Variants in ABL1 observed in about 807,000 individuals in gnomAD.
The protein encoded by ABL1 is ABL proto-oncogene 1, non-receptor tyrosine kinase.
A neutral mutation model predicts 94.7 loss-of-function variants in ABL1; 11 were observed. The ratio of observed to expected loss-of-function variants is 0.12; its 90% CI spans 0.07 to 0.19. The LOEUF (loss-of-function observed/expected upper bound fraction) is 0.19, where lower values mean the gene tolerates loss of function less well. Ranked by LOEUF, ABL1 falls within the 10% of genes least tolerant of loss-of-function variation. The pLI is 1.00. For missense variants in ABL1, 1,082 were observed against 1,489.4 expected (o/e 0.73, Z 4.50); for synonymous variants, 656 against 622.4 (o/e 1.05, Z -0.80).
At chr9:130,769,634 C>T (rs563880598) in intron 1 of ABL1, among the ~76,000 whole-genome samples, 67 of 152,128 alleles carry the variant, frequency 4.4e-4, no homozygotes, top group Non-Finnish European at 8.2e-4. Flanking sequence ...CCACCGTCCC[C>T]GGCCCCTAGT....
intron 1 of ABL1, among the ~76,000 whole-genome samples, chr9:130,749,796 A>G (rs920754417): frequency 3.9e-5 from 6 of 152,138 alleles, no homozygotes; most frequent in Non-Finnish European, 7.3e-5. Flanking sequence ...ATTTTATGAA[A>G]TTGTTGATTC....
rs1363488757 is a variant in ABL1 at position 130,716,023 on chromosome 9, T to TACAC, written c.136+1569_136+1570insCACA. Among the ~76,000 whole-genome samples the TACAC allele has an allele frequency of 7.0e-3, 985 of 140,872 alleles. 18 individuals are homozygous for TACAC. Among genetic ancestry groups the TACAC allele is most frequent in the African/African-American group, 0.024 (960 of 40,000 alleles). The allele number at this position is 140,872 out of a possible 152,430, so 92.4% of individuals were successfully genotyped here. ...CACAGTTAAACAAACTAAATATATATATACACACACACACACACATATATA... is the reference window on the plus strand; with the variant it reads ...CACAGTTAAACAAACTAAATATATATACACATACACACACACACACACATATATA... On this transcript the variant is annotated intron_variant, in intron 1 of 10. Transcript: ENST00000372348.
intron 1 of ABL1, among the ~76,000 whole-genome samples, chr9:130,722,000 T>C (rs997495424): frequency 6.6e-6 from 1 of 151,724 alleles, no homozygotes; most frequent in Non-Finnish European, 1.5e-5. Context: ...GCCAGGATGG[T>C]TTTGATCTCG....
chr9:130,868,645 T>C (rs11244166), intron 4 of ABL1, among the ~76,000 whole-genome samples: 47,347 of 149,640 alleles, frequency 0.32, 12,068 homozygotes, highest in African/African-American at 0.71. Context: ...CTCAGCCTCC[T>C]GAGTAGCTGG....
intron 1 of ABL1, among the ~76,000 whole-genome samples, chr9:130,816,932 G>C (rs970782903): frequency 6.6e-6 from 1 of 152,048 alleles, no homozygotes; most frequent in Admixed American, 6.5e-5. Flanking sequence ...TCAAACTCCT[G>C]AACCTCAGGT....
At chr9:130,800,462 A>G (rs1317007175) in intron 1 of ABL1, among the ~76,000 whole-genome samples, 4 of 119,814 alleles carry the variant, frequency 3.3e-5, no homozygotes, top group Admixed American at 2.4e-4. Context: ...AAACCTATTG[A>G]AAAAAAAAAA....
intron 3 of ABL1, among the ~76,000 whole-genome samples, chr9:130,856,303 G>C (rs898486086): frequency 1.3e-5 from 2 of 152,120 alleles, no homozygotes; most frequent in African/African-American, 4.8e-5. Flanking sequence ...GGTCAGGCTG[G>C]TCTCAAACTC....
chr9:130,768,503 G>C (rs1832211465), intron 1 of ABL1, among the ~76,000 whole-genome samples: 1 of 152,198 alleles, frequency 6.6e-6, no homozygotes, highest in Non-Finnish European at 1.5e-5. Flanking sequence ...CCTGCCCCCA[G>C]CTAGGCTGAA....
chr9:130,804,965 A>G (rs536504963), intron 1 of ABL1, among the ~76,000 whole-genome samples: 3 of 152,252 alleles, frequency 2.0e-5, no homozygotes, highest in Non-Finnish European at 4.4e-5. Flanking sequence ...TTGTCTTTAG[A>G]CAGGCAAGAC....
chr9:130,877,984 T>G (rs1189871104), intron 7 of ABL1, among the ~76,000 whole-genome samples: 1 of 151,990 alleles, frequency 6.6e-6, no homozygotes, highest in African/African-American at 2.4e-5. Flanking sequence ...GGCTAATTTT[T>G]TTGTATTTTT....
At chr9:130,837,414 T>G (rs3808821) in intron 1 of ABL1, among the ~76,000 whole-genome samples, 33,346 of 152,062 alleles carry the variant, frequency 0.22, 4,542 homozygotes, top group African/African-American at 0.38. Flanking sequence ...CTTTGCCAAG[T>G]CATTGTTTTG....
At chr9:130,859,466 T>G (rs900946614) in intron 3 of ABL1, among the ~76,000 whole-genome samples, 2 of 151,720 alleles carry the variant, frequency 1.3e-5, no homozygotes, top group African/African-American at 4.8e-5. Flanking sequence ...GTGGAGGGGC[T>G]TTGGACCGTT....
At position 130,859,677 on chromosome 9, in the gene ABL1, C is replaced by CTTTTT. The variant is rs869234280; in HGVS notation, c.550-3061_550-3057dup. Among the ~76,000 whole-genome samples, 558 of 78,436 alleles carry CTTTTT rather than the reference C, an allele frequency of 7.1e-3. 104 individuals are homozygous for CTTTTT. Among genetic ancestry groups the CTTTTT allele is most frequent in the African/African-American group, 0.027 (406 of 14,862 alleles). 51.5% of individuals were successfully genotyped at this position (78,436 alleles called of 152,430 possible). A position where few individuals can be genotyped will look rare whatever the true frequency, so the allele number is the denominator to read the frequency against. ...AAACGCTGTTTCTTTTCTTTCTTTC[C>CTTTTT]TTTTTTTTTTTTTTTTTTTTTTTTT... On this transcript the variant is annotated intron_variant, in intron 3 of 10. Transcript: ENST00000318560.
intron 1 of ABL1, among the ~76,000 whole-genome samples, chr9:130,808,696 A>G (rs1830164216): frequency 6.6e-6 from 1 of 152,194 alleles, no homozygotes; most frequent in African/African-American, 2.4e-5. Context: ...TTAGTCTTGT[A>G]GCTCTAAACT....
rs1831273325 is a variant in ABL1, at chr9:130,872,653, C to G, written c.908-207C>G. 6.6e-6 allele frequency among the ~76,000 whole-genome samples: 1 copy of G among 152,168 alleles called. No individual in the cohort carries two copies. The highest frequency in any genetic ancestry group is 1.5e-5 in the Non-Finnish European group (1 of 68,030). ...GCCTCTCCCTGCGTAAATTCAAGTT[C>G]ACTGGCTTGAGAAGAAGAAAAGAGC... is the stretch of plus-strand genomic sequence containing the variant. On this transcript the variant is annotated intron_variant, in intron 5 of 10. Coordinates refer to ENST00000318560, the MANE Select transcript of ABL1 (RefSeq NM_005157.6). This position sits in a 1 kb window ranked among gnomAD's most constrained non-coding sequence, Gnocchi z 5.0.
intron 1 of ABL1, chr9:130,714,485 G>GTT (rs770703773): frequency 6.2e-7 from 1 of 1,614,138 alleles, no homozygotes; most frequent in African/African-American, 1.3e-5. Context: ...TCTGCTCATG[G>GTT]TTTTCCTCAT....
intron 1 of ABL1, among the ~76,000 whole-genome samples, chr9:130,792,341 G>A (rs1346934831): frequency 1.3e-5 from 2 of 152,134 alleles, no homozygotes; most frequent in Non-Finnish European, 2.9e-5. Flanking sequence ...AAGTTCACAT[G>A]GTAGCTCGCA....
Position 130,886,565 on chromosome 9 carries a change from G to C in ABL1, c.*882G>C. Reference sequence around the variant, plus strand: ...CAAGGGAGGCAGTGGCTAGTGGGGTGAACAGCTGGTGCCAAATAGCCCCAG... The same window carrying C: ...CAAGGGAGGCAGTGGCTAGTGGGGTCAACAGCTGGTGCCAAATAGCCCCAG... On this transcript the variant is annotated 3_prime_UTR_variant, in exon 11 of 11. Coordinates refer to ENST00000318560, the MANE Select transcript of ABL1 (RefSeq NM_005157.6). The C allele has an allele frequency of 8.6e-6, 2 of 233,486 alleles. No individual in the cohort carries two copies. The highest frequency in any genetic ancestry group is 1.7e-5 in the Non-Finnish European group (2 of 117,996). 14.5% of individuals were successfully genotyped at this position (233,486 alleles called of 1,614,324 possible).
chr9:130,885,691 C>A lies in ABL1; in HGVS notation c.*8C>A. 6 of 1,603,956 alleles carry A rather than the reference C, an allele frequency of 3.7e-6. No individual in the cohort carries two copies. The highest frequency in any genetic ancestry group is 3.3e-5 in the South Asian group (3 of 89,870). On this transcript the variant is annotated 3_prime_UTR_variant, in exon 11 of 11. Transcript: ENST00000318560. ...GACATAGTGCAGAGGTAGCAGCAGT[C>A]AGGGGTCAGGTGTCAGGCCCGTCGG...
Sources: allele counts gnomAD v4.1 joint callset (sites outside exome capture counted in the v4.1 genomes callset), GRCh38; gene constraint gnomAD v4.1.1; non-coding constraint Gnocchi (gnomAD v3.1); transcripts MANE v1.5; gene names NCBI Gene and HGNC (gene_info 2026-07-23, HGNC 2026-07-21).